The following PRKACB variants were observed in gnomAD, a reference collection of about 807,000 sequenced individuals.
PRKACB encodes the protein cAMP-dependent protein kinase catalytic subunit beta.
A neutral mutation model predicts 51.4 loss-of-function variants in PRKACB; 16 were observed. The ratio of observed to expected loss-of-function variants is 0.31; its 90% CI spans 0.21 to 0.47. PRKACB has a LOEUF of 0.47. PRKACB is among the 20% of genes least tolerant of loss of function. PRKACB has a pLI of 1.00. For missense variants in PRKACB, 309 were observed against 464.5 expected (o/e 0.67, Z 3.08); for synonymous variants, 147 against 154.4 (o/e 0.95, Z 0.35).
chr1:84,165,237 A>G (rs1296998617), intron 1 of PRKACB, among the ~76,000 whole-genome samples: 1 of 151,772 alleles, frequency 6.6e-6, no homozygotes, highest in African/African-American at 2.4e-5. Flanking sequence ...ATCAGTTTCT[A>G]ATTTTCTTTA....
chr1:84,126,656 G>T (rs1651641659), intron 1 of PRKACB, among the ~76,000 whole-genome samples: 1 of 152,114 alleles, frequency 6.6e-6, no homozygotes, highest in South Asian at 2.1e-4. Flanking sequence ...TGAGAGTGTG[G>T]CCCTCGTTGG....
At chr1:84,214,387 T>A (rs1296103432) in intron 9 of PRKACB, 70 bp downstream of exon 9, 1 of 1,369,750 alleles carries the variant, frequency 7.3e-7, no homozygotes, top group East Asian at 2.5e-5. Context: ...GTGGAGATAT[T>A]TTCAACTTAA....
intron 2 of PRKACB, 145 bp downstream of exon 2, chr1:84,179,383 T>C: frequency 9.8e-7 from 1 of 1,023,552 alleles, no homozygotes; most frequent in South Asian, 2.5e-5. Flanking sequence ...TTTGCCATAG[T>C]TATACTTTGA....
At chr1:84,171,814 T>A (rs1659575900) in intron 1 of PRKACB, among the ~76,000 whole-genome samples, 1 of 151,578 alleles carries the variant, frequency 6.6e-6, no homozygotes. Context: ...GATAACAGAA[T>A]CTGGCAAGAT....
chr1:84,193,135 C>T (rs756645943), intron 5 of PRKACB, among the ~76,000 whole-genome samples: 6 of 151,888 alleles, frequency 4.0e-5, no homozygotes, highest in Admixed American at 6.6e-5. Flanking sequence ...AGGCAAAAGA[C>T]GCCTCTCAAA....
At chr1:84,103,443 GAGAA>G (rs1245446897) in intron 1 of PRKACB, among the ~76,000 whole-genome samples, 5 of 152,040 alleles carry the variant, frequency 3.3e-5, no homozygotes, top group Admixed American at 1.3e-4. Flanking sequence ...GTGGGGGGTA[GAGAA>G]AGAAAGAGAG....
intron 9 of PRKACB, among the ~76,000 whole-genome samples, chr1:84,218,633 C>T (rs1673215442): frequency 6.6e-6 from 1 of 152,124 alleles, no homozygotes; most frequent in Admixed American, 6.5e-5. Flanking sequence ...TCAGGTATTG[C>T]ATTGATATAC....
chr1:84,106,827 A>C (rs1386726608), intron 1 of PRKACB, among the ~76,000 whole-genome samples: 7 of 152,230 alleles, frequency 4.6e-5, no homozygotes, highest in Non-Finnish European at 1.0e-4. Flanking sequence ...ACAAAGCTGG[A>C]AGAATCACAT....
At chr1:84,153,369 C>T (rs1010593828) in intron 1 of PRKACB, among the ~76,000 whole-genome samples, 1 of 152,014 alleles carries the variant, frequency 6.6e-6, no homozygotes, top group Non-Finnish European at 1.5e-5. Context: ...CAAGGTTGCC[C>T]CAACCCTCAA....
chr1:84,087,321 T>C (rs1428174685), intron 1 of PRKACB, among the ~76,000 whole-genome samples: 1 of 152,222 alleles, frequency 6.6e-6, no homozygotes, highest in African/African-American at 2.4e-5. Context: ...CTGGGATTGC[T>C]CACCTAAACT....
At chr1:84,166,866 A>C (rs527485214) in intron 1 of PRKACB, among the ~76,000 whole-genome samples, 1 of 151,716 alleles carries the variant, frequency 6.6e-6, no homozygotes, top group South Asian at 2.1e-4. Flanking sequence ...TCTCCAAAAA[A>C]TCTCATCCAT....
intron 8 of PRKACB, 55 bp from the exon 9 acceptor site, chr1:84,214,098 C>T (rs1672530228): frequency 7.0e-7 from 1 of 1,431,512 alleles, no homozygotes; most frequent in Non-Finnish European, 9.2e-7. Flanking sequence ...GAAATCAAAA[C>T]AGAAATATCA....
chr1:84,079,225 G>A (rs1226564885), intron 1 of PRKACB, among the ~76,000 whole-genome samples: 1 of 152,128 alleles, frequency 6.6e-6, no homozygotes, highest in Non-Finnish European at 1.5e-5. Context: ...GAATGGTTGT[G>A]AAATAAAAGT....
chr1:84,210,779 A>G (rs1280809328), intron 8 of PRKACB, among the ~76,000 whole-genome samples: 1 of 152,226 alleles, frequency 6.6e-6, no homozygotes, highest in African/African-American at 2.4e-5. Context: ...TGTACACTTA[A>G]AACAATTTTG....
At chr1:84,198,853 A>ATG (rs1478225993) in intron 7 of PRKACB, among the ~76,000 whole-genome samples, 5 of 149,366 alleles carry the variant, frequency 3.3e-5, no homozygotes, top group African/African-American at 7.4e-5. Context: ...ATATGTGTAT[A>ATG]TGTGTATATA....
intron 1 of PRKACB, among the ~76,000 whole-genome samples, chr1:84,162,603 T>C (rs1656342613): frequency 6.6e-6 from 1 of 152,116 alleles, no homozygotes; most frequent in Admixed American, 6.6e-5. Flanking sequence ...ATTTTGGTTA[T>C]TATACTTTTC....
intron 1 of PRKACB, among the ~76,000 whole-genome samples, chr1:84,127,699 T>C (rs1411544770): frequency 2.6e-5 from 4 of 152,140 alleles, no homozygotes; most frequent in Admixed American, 2.6e-4. Flanking sequence ...TATTTTCTGT[T>C]GGACTCTGAC....
intron 5 of PRKACB, among the ~76,000 whole-genome samples, chr1:84,186,961 T>C (rs1665309544): frequency 6.6e-6 from 1 of 152,158 alleles, no homozygotes; most frequent in African/African-American, 2.4e-5. Context: ...TTACAAAGAT[T>C]AGATAGGCAC....
At chr1:84,085,864 C>T in intron 1 of PRKACB, 1 of 572,494 alleles carries the variant, frequency 1.7e-6, no homozygotes, top group East Asian at 2.8e-5. Context: ...TCCTGGTGGC[C>T]TGGCTGTAAC....
Sources: allele counts gnomAD v4.1 joint callset (sites outside exome capture counted in the v4.1 genomes callset), GRCh38; gene constraint gnomAD v4.1.1; transcripts MANE v1.5; gene names NCBI Gene and HGNC (gene_info 2026-07-23, HGNC 2026-07-21).